Variants in PPM1L observed in about 807,000 individuals in gnomAD.
PPM1L encodes the protein protein phosphatase 1L.
PPM1L carries 13 observed loss-of-function variants against 31.4 expected under a neutral mutation model. The observed-to-expected ratio is 0.41, with a 90% confidence interval of 0.27 to 0.66. PPM1L has a LOEUF of 0.66. Ranked by LOEUF, PPM1L falls within the 30% of genes least tolerant of loss-of-function variation. The probability of loss-of-function intolerance (pLI) is 0.29; values close to 1 mark genes in which losing one functional copy is unlikely to be tolerated. For missense variants in PPM1L, 326 were observed against 453.7 expected (o/e 0.72, Z 2.56); for synonymous variants, 184 against 175.4 (o/e 1.05, Z -0.39).
intron 1 of PPM1L, among the ~76,000 whole-genome samples, chr3:160,826,117 C>A (rs1247685199): frequency 2.0e-5 from 3 of 152,112 alleles, no homozygotes; most frequent in African/African-American, 7.2e-5. Context: ...CCTGACTACC[C>A]AGGCCTTGGC....
chr3:160,976,241 A>T (rs1444535529), intron 2 of PPM1L, among the ~76,000 whole-genome samples: 1 of 145,906 alleles, frequency 6.9e-6, no homozygotes, highest in African/African-American at 2.6e-5. Flanking sequence ...ATCATGGTGG[A>T]TAAGCTTTTT....
intron 1 of PPM1L, among the ~76,000 whole-genome samples, chr3:160,776,610 T>A (rs1242315722): frequency 4.0e-5 from 6 of 151,546 alleles, no homozygotes; most frequent in Non-Finnish European, 8.8e-5. Flanking sequence ...GTGCCTTTTT[T>A]TTTTTTTTTT....
intron 2 of PPM1L, among the ~76,000 whole-genome samples, chr3:161,005,109 C>G (rs1461454794): frequency 6.6e-6 from 1 of 152,054 alleles, no homozygotes; most frequent in Non-Finnish European, 1.5e-5. Flanking sequence ...TATGTTGTGT[C>G]TTTGTTCTCA....
intron 2 of PPM1L, among the ~76,000 whole-genome samples, chr3:161,026,821 A>G (rs897141292): frequency 7.0e-6 from 1 of 142,598 alleles, no homozygotes; most frequent in Admixed American, 6.7e-5. Context: ...ATGGGTGGTG[A>G]ACAAGAACAA....
At chr3:160,937,810 A>G (rs915795868) in intron 1 of PPM1L, among the ~76,000 whole-genome samples, 1 of 152,168 alleles carries the variant, frequency 6.6e-6, no homozygotes, top group African/African-American at 2.4e-5. Flanking sequence ...AGAGTCACTA[A>G]ATGGTAGGAA....
intron 2 of PPM1L, among the ~76,000 whole-genome samples, chr3:160,965,789 T>A (rs2108111641): frequency 6.6e-6 from 1 of 152,242 alleles, no homozygotes; most frequent in East Asian, 1.9e-4. Flanking sequence ...TAGTTAATTA[T>A]TAGTTAGAAG....
intron 1 of PPM1L, among the ~76,000 whole-genome samples, chr3:160,776,069 A>G (rs1036715088): frequency 2.1e-4 from 32 of 152,218 alleles, no homozygotes; most frequent in Non-Finnish European, 2.9e-5. Context: ...TTTATCTAAT[A>G]TCTCTCTCAC....
chr3:160,756,950 G>A lies in PPM1L; in HGVS notation c.399+243G>A, dbSNP rs943615563. ...CTGAGGGTCCACTTTAGGGAAAGGA[G>A]AGTCATCCACAGCATATTTGTTGCT... On this transcript the variant is annotated intron_variant, in intron 1 of 3. Transcript: ENST00000498165. The surrounding 1 kb of genome is among the most constrained non-coding windows in gnomAD (Gnocchi z 6.2). 5.3e-5 allele frequency among the ~76,000 whole-genome samples: 8 copies of A among 152,028 alleles called. No homozygotes were observed. The highest frequency in any genetic ancestry group is 1.9e-4 in the African/African-American group (8 of 41,396).
intron 1 of PPM1L, among the ~76,000 whole-genome samples, chr3:160,821,652 A>G (rs542412141): frequency 3.3e-5 from 5 of 152,170 alleles, no homozygotes; most frequent in African/African-American, 1.2e-4. Context: ...CCTGCAGTGG[A>G]CGTAGGATTC....
At position 161,046,110 on chromosome 3, in the gene PPM1L, C is replaced by CAAAAAAA. The variant is rs58794623; in HGVS notation, c.575-19275_575-19269dup. Among the ~76,000 whole-genome samples the CAAAAAAA allele has an allele frequency of 7.8e-3, 390 of 50,286 alleles. 43 individuals carry two copies. Among genetic ancestry groups the CAAAAAAA allele is most frequent in the African/African-American group, 0.024 (235 of 9,876 alleles). 33.0% of individuals were successfully genotyped at this position (50,286 alleles called of 152,430 possible). A position where few individuals can be genotyped will look rare whatever the true frequency, so the allele number is the denominator to read the frequency against. On this transcript the variant is annotated intron_variant, in intron 2 of 3. Coordinates refer to ENST00000498165, the MANE Select transcript of PPM1L (RefSeq NM_139245.4). The stretch of plus-strand genomic sequence containing the variant: ...TGGGTGACAGAGCGAGACTCTGTCT[C>CAAAAAAA]AAAAAAAAAAAAAAAAAAAAAAAAT...
intron 1 of PPM1L, among the ~76,000 whole-genome samples, chr3:160,944,110 A>AT (rs1028331400): frequency 8.6e-5 from 13 of 151,474 alleles, no homozygotes; most frequent in East Asian, 7.8e-4. Flanking sequence ...TCCACAGCAG[A>AT]TTTTTTTTTC....
chr3:160,909,616 G>T (rs1217474886), intron 1 of PPM1L, among the ~76,000 whole-genome samples: 1 of 152,070 alleles, frequency 6.6e-6, no homozygotes, highest in Non-Finnish European at 1.5e-5. Context: ...TCTTAAGGAG[G>T]GAGTTTAGCG....
chr3:160,997,749 G>T (rs540769557), intron 2 of PPM1L, among the ~76,000 whole-genome samples: 4 of 152,140 alleles, frequency 2.6e-5, no homozygotes, highest in African/African-American at 9.7e-5. Flanking sequence ...GTGGGGAAGG[G>T]TCAGTTGGAC....
intron 1 of PPM1L, among the ~76,000 whole-genome samples, chr3:160,770,607 A>C (rs7618832): frequency 0.42 from 64,142 of 152,070 alleles, 14,313 homozygotes; most frequent in East Asian, 0.6. Flanking sequence ...GAAAAGTATC[A>C]TCACTAGATC....
chr3:160,819,647 A>G (rs533096688), intron 1 of PPM1L, among the ~76,000 whole-genome samples: 1 of 152,144 alleles, frequency 6.6e-6, no homozygotes, highest in East Asian at 1.9e-4. Context: ...CTTACATTCC[A>G]GAGGGGACAA....
intron 1 of PPM1L, among the ~76,000 whole-genome samples, chr3:160,947,220 T>G (rs1216868750): frequency 6.6e-6 from 1 of 152,212 alleles, no homozygotes; most frequent in East Asian, 1.9e-4. Flanking sequence ...AAAGTTAGTA[T>G]TGGTTTTAGC....
chr3:160,864,294 G>A (rs1385866603), intron 1 of PPM1L, among the ~76,000 whole-genome samples: 3 of 152,004 alleles, frequency 2.0e-5, no homozygotes, highest in Non-Finnish European at 4.4e-5. Context: ...GTGATCCCCC[G>A]CTGACCTCAG....
chr3:160,941,524 C>A (rs1243948023), intron 1 of PPM1L, among the ~76,000 whole-genome samples: 1 of 152,128 alleles, frequency 6.6e-6, no homozygotes, highest in East Asian at 1.9e-4. Flanking sequence ...CTCACGAGAC[C>A]TGATGGGTTT....
chr3:161,014,624 G>A (rs575851786), intron 2 of PPM1L, among the ~76,000 whole-genome samples: 490 of 152,070 alleles, frequency 3.2e-3, no homozygotes, highest in African/African-American at 0.011. Context: ...ACAGGCACAC[G>A]CCACCACGCC....
Sources: gnomAD v4.1 joint callset for allele counts (sites outside exome capture counted in the v4.1 genomes callset) on GRCh38, gnomAD v4.1.1 for gene constraint, Gnocchi (gnomAD v3.1) non-coding constraint, MANE v1.5 for transcripts, NCBI Gene and HGNC (gene_info 2026-07-23, HGNC 2026-07-21) for gene names.